Variants in HOOK3 observed in about 807,000 individuals in gnomAD.
HOOK3 encodes protein Hook homolog 3.
A neutral mutation model predicts 116.3 loss-of-function variants in HOOK3; 24 were observed. The ratio of observed to expected loss-of-function variants is 0.21; its 90% CI spans 0.15 to 0.29. The LOEUF (loss-of-function observed/expected upper bound fraction) is 0.29. Ranked by LOEUF, HOOK3 falls within the 10% of genes least tolerant of loss-of-function variation. HOOK3 has a pLI of 1.00. For missense variants in HOOK3, 632 were observed against 830.2 expected (o/e 0.76, Z 2.93); for synonymous variants, 275 against 283.0 (o/e 0.97, Z 0.28).
intron 13 of HOOK3, among the ~76,000 whole-genome samples, chr8:42,980,631 G>A (rs1808921030): frequency 6.6e-6 from 1 of 152,100 alleles, no homozygotes; most frequent in Middle Eastern, 3.2e-3. Flanking sequence ...GCTCACACCT[G>A]TAATCCCAGC....
intron 5 of HOOK3, among the ~76,000 whole-genome samples, chr8:42,949,861 G>A (rs1808303804): frequency 6.6e-6 from 1 of 151,550 alleles, no homozygotes; most frequent in Admixed American, 6.6e-5. Flanking sequence ...AGGTTGCAGT[G>A]AGCCGAGATG....
chr8:42,997,578 C>T lies in HOOK3; in HGVS notation c.1561C>T (p.Gln521Ter). 6.2e-7 allele frequency: 1 copy of T among 1,609,966 alleles called. No homozygotes were observed. Among genetic ancestry groups the T allele is most frequent in the African/African-American group, 1.3e-5 (1 of 74,926 alleles). ...GGTGAATCAAAGACTTCTGGAAGTA[C>T]AGTCACAAGTTGAAGAATTACAAAA... Reference protein sequence around the residue: ...RLVNQRLLEVQSQVEELQKSL... With the variant: ...RLVNQRLLEV The change falls in exon 16 of 22, where the codon CAG (glutamine) becomes TAG (stop). Residue 521 changes from glutamine to a stop codon, truncating the protein, a stop_gained. Coordinates refer to ENST00000307602, the MANE Select transcript of HOOK3 (RefSeq NM_032410.4). LOFTEE classifies it high-confidence loss of function.
At chr8:42,962,668 G>A (rs1192772703) in intron 8 of HOOK3, among the ~76,000 whole-genome samples, 1 of 151,988 alleles carries the variant, frequency 6.6e-6, no homozygotes, top group African/African-American at 2.4e-5. Context: ...GTCTCCCAAA[G>A]TGCTAGGATT....
intron 1 of HOOK3, among the ~76,000 whole-genome samples, chr8:42,903,868 A>G (rs1436817235): frequency 6.6e-6 from 1 of 151,718 alleles, no homozygotes; most frequent in Non-Finnish European, 1.5e-5. Flanking sequence ...AGGCAGGAGA[A>G]TGGCGTGAAC....
chr8:42,961,942 ACACCCAG>A (rs991496056), intron 8 of HOOK3, among the ~76,000 whole-genome samples: 6 of 152,082 alleles, frequency 3.9e-5, no homozygotes, highest in African/African-American at 1.4e-4. Flanking sequence ...GCATGCCACC[ACACCCAG>A]CTAATTCTTT....
chr8:42,925,753 T>C (rs1323414289), intron 3 of HOOK3, 124 bp downstream of exon 3: 1 of 635,184 alleles, frequency 1.6e-6, no homozygotes, highest in Non-Finnish European at 2.7e-6. Context: ...TGAAATAATG[T>C]AGAATTGAAG....
At chr8:42,958,602 T>G (rs1451802421) in intron 7 of HOOK3, among the ~76,000 whole-genome samples, 1 of 149,634 alleles carries the variant, frequency 6.7e-6, no homozygotes, top group African/African-American at 2.4e-5. Flanking sequence ...GATAGTTTTT[T>G]TTTTTTTTTT....
At chr8:42,996,825 AT>A (rs1420160366) in intron 15 of HOOK3, among the ~76,000 whole-genome samples, 1 of 140,046 alleles carries the variant, frequency 7.1e-6, no homozygotes, top group African/African-American at 2.6e-5. Flanking sequence ...TGAAGTTTTT[AT>A]CTGATTGTAT....
Position 43,008,081 on chromosome 8 carries a change from C to T in HOOK3, c.1738+152C>T, listed in dbSNP as rs567217316. The T allele has an allele frequency of 2.0e-5, 7 of 344,924 alleles. No individual in the cohort carries two copies. In the South Asian group the frequency reaches 4.3e-4, roughly 21 times the overall value. The allele number at this position is 344,924 out of a possible 1,614,324, so 21.4% of individuals were successfully genotyped here. A position where few individuals can be genotyped will look rare whatever the true frequency, so the allele number is the denominator to read the frequency against. ...TCACCCAGGCTGGAGTGCAGTGGTG[C>T]GATTTTGGCTCACTGCAAGCTTTGC... On this transcript the variant is annotated intron_variant, in intron 18 of 21. Coordinates refer to ENST00000307602, the MANE Select transcript of HOOK3 (RefSeq NM_032410.4).
intron 15 of HOOK3, chr8:42,994,348 T>C: frequency 3.0e-6 from 1 of 331,262 alleles, no homozygotes; most frequent in Admixed American, 4.2e-5. Context: ...TCTACTAATT[T>C]TGGGTTTGGT....
rs1187527719 is a variant in HOOK3, at chr8:43,021,122, A to AC, written c.*2624_*2625insC. 1.0e-5 allele frequency: 2 copies of AC among 193,710 alleles called. No homozygotes were observed. The highest frequency in any genetic ancestry group is 2.1e-5 in the Non-Finnish European group (2 of 94,394). The allele number at this position is 193,710 out of a possible 1,614,324, so 12.0% of individuals were successfully genotyped here. On this transcript the variant is annotated 3_prime_UTR_variant, in exon 22 of 22. Transcript: ENST00000307602. ...GTCGCAAGAAAAAAAAAAAAAAAAA[A>AC]AAAAAAAAAAACAGTCTGTGAACTA...
chr8:42,940,361 A>G (rs529968182), intron 4 of HOOK3, among the ~76,000 whole-genome samples: 1 of 152,234 alleles, frequency 6.6e-6, no homozygotes. Context: ...GCGCGCCCGC[A>G]ATCGCAGGCA....
rs372716570 is a variant in HOOK3, at chr8:42,906,209, G to C, written c.94G>C (p.Val32Leu). The C allele has an allele frequency of 4.5e-6, 7 of 1,563,514 alleles. No homozygotes were observed. Among genetic ancestry groups the C allele is most frequent in the African/African-American group, 2.9e-5 (2 of 69,442 alleles). ...TAATGTGGATGCACCATGCCAGACC[G>C]TGGAAGATTTAACGAATGGGGTTGT... ...TFNVDAPCQT[V>L]EDLTNGVVMA... The change falls in exon 2 of 22, where the codon GTG becomes CTG. Residue 32 changes from valine (V) to leucine (L), a missense_variant. Physicochemically the swap from Val to Leu is conservative, Grantham distance 32. Around this residue, in one of 3 missense-constraint regions of HOOK3, gnomAD observed 141 missense variants for 150.8 expected, o/e 0.93. Transcript: ENST00000307602.
chr8:43,010,439 C>A, intron 19 of HOOK3, 34 bp downstream of exon 19: 1 of 739,354 alleles, frequency 1.4e-6, no homozygotes, highest in Non-Finnish European at 2.1e-6. Flanking sequence ...CTCACTCTAC[C>A]TTCTGATCAC....
chr8:42,938,480 C>T (rs548470106), intron 4 of HOOK3, among the ~76,000 whole-genome samples: 2 of 152,154 alleles, frequency 1.3e-5, no homozygotes, highest in African/African-American at 4.8e-5. Context: ...GCAGTTTCTT[C>T]ATGGTGTTGA....
rs543070556 is a variant in HOOK3, at chr8:42,985,660, G to C, written c.1392-995G>C. 4.7e-4 allele frequency among the ~76,000 whole-genome samples: 71 copies of C among 151,792 alleles called. No individual in the cohort carries two copies. The South Asian group carries it at 0.013, about 29-fold the overall frequency. On this transcript the variant is annotated intron_variant, in intron 14 of 21. Coordinates refer to ENST00000307602, the MANE Select transcript of HOOK3 (RefSeq NM_032410.4). ...TTGCCCATACTGAGGCAGAAGAATT[G>C]CTTGAACCCAGGAGGTGGAGGTGGC...
At chr8:42,988,287 A>G (rs902759612) in intron 15 of HOOK3, among the ~76,000 whole-genome samples, 2 of 152,186 alleles carry the variant, frequency 1.3e-5, no homozygotes, top group South Asian at 4.1e-4. Flanking sequence ...CTCTGGTGCA[A>G]GTGTCTTGAT....
chr8:42,963,983 G>A (rs1457484699), intron 8 of HOOK3, among the ~76,000 whole-genome samples: 5 of 152,020 alleles, frequency 3.3e-5, no homozygotes, highest in African/African-American at 4.8e-5. Context: ...CGAGGCAGGC[G>A]GATCATGAGG....
intron 3 of HOOK3, among the ~76,000 whole-genome samples, chr8:42,928,417 C>CT (rs901732787): frequency 6.6e-6 from 1 of 151,620 alleles, no homozygotes; most frequent in Non-Finnish European, 1.5e-5. Flanking sequence ...CGCCACTGTA[C>CT]TCCAGCCTGG....
Sources: allele counts gnomAD v4.1 joint callset (sites outside exome capture counted in the v4.1 genomes callset), GRCh38; gene constraint gnomAD v4.1.1; regional missense constraint gnomAD v4.1.1; transcripts MANE v1.5; gene names NCBI Gene and HGNC (gene_info 2026-07-23, HGNC 2026-07-21).